GBP3: variants seen among roughly 807,000 people sequenced by gnomAD.
GBP3 encodes the protein guanylate binding protein 3.
In GBP3, 55 loss-of-function variants were observed where a neutral mutation model predicts 62.4. The observed-to-expected ratio is 0.88, with a 90% CI of 0.71 to 1.10. The LOEUF is 1.10. Ranked by LOEUF, GBP3 falls within the 50% of genes least tolerant of loss-of-function variation. The pLI, the probability that GBP3 is intolerant of heterozygous loss-of-function variation, is 0.00. For synonymous variants in GBP3, 208 were observed against 259.2 expected (o/e 0.80, Z 1.90); for missense variants, 605 against 690.6 (o/e 0.88, Z 1.39).
In GBP3 at chr1:89,015,342, T is replaced by C. The variant is rs1461158419; in HGVS notation, c.263A>G (p.Lys88Arg). ...AAGCAGGACTAAGGTGTGTTCTGGC[T>C]TTTTGGGGTGAGGCACACACCACAT... ...IWMWCVPHPK[K>R]PEHTLVLLDT... The change falls in exon 3 of 11, where the codon AAG (lysine) becomes AGG (arginine). Residue 88 changes from lysine to arginine, a missense_variant. Coordinates refer to ENST00000370481, the MANE Select transcript of GBP3 (RefSeq NM_018284.3). 1 of 1,613,206 alleles carries C rather than the reference T, an allele frequency of 6.2e-7. No individual in the cohort carries two copies. Among genetic ancestry groups the C allele is most frequent in the Admixed American group, 1.7e-5 (1 of 59,956 alleles).
At position 89,007,680 on chromosome 1, in the gene GBP3, T is replaced by G; in HGVS notation, c.*44A>C. On this transcript the variant is annotated 3_prime_UTR_variant, in exon 11 of 11. Coordinates refer to ENST00000370481, the MANE Select transcript of GBP3 (RefSeq NM_018284.3). ...ACACTTGTTCCAAATTCTAAAATTG[T>G]TTCAGTTATGCCTTGGGTTAGGATG... 1 of 1,555,882 alleles carries G rather than the reference T, an allele frequency of 6.4e-7. No homozygotes were observed. The highest frequency in any genetic ancestry group is 8.7e-7 in the Non-Finnish European group (1 of 1,150,510).
At chr1:89,019,597 T>C (rs546425045) in intron 2 of GBP3, among the ~76,000 whole-genome samples, 1 of 152,370 alleles carries the variant, frequency 6.6e-6, no homozygotes, top group African/African-American at 2.4e-5. Context: ...GGAAAAATTT[T>C]GACACATGCT....
At chr1:89,019,259 A>C (rs754290683) in intron 2 of GBP3, among the ~76,000 whole-genome samples, 1 of 152,206 alleles carries the variant, frequency 6.6e-6, no homozygotes, top group Non-Finnish European at 1.5e-5. Context: ...TACACATATA[A>C]TTACTTAGCC....
intron 6 of GBP3, 71 bp from the exon 7 acceptor site, chr1:89,012,098 A>ATG (rs1678605160): frequency 2.3e-6 from 3 of 1,315,410 alleles, no homozygotes; most frequent in Non-Finnish European, 3.2e-6. Context: ...AATTCTGAAC[A>ATG]TGTCAATTTC....
chr1:89,021,968 A>G (rs1299330505), intron 1 of GBP3, among the ~76,000 whole-genome samples: 1 of 151,588 alleles, frequency 6.6e-6, no homozygotes. Context: ...AAGCAAAGAT[A>G]CCGGCTTTAG....
intron 1 of GBP3, among the ~76,000 whole-genome samples, chr1:89,022,115 A>G (rs1451526041): frequency 6.6e-6 from 1 of 152,142 alleles, no homozygotes; most frequent in Non-Finnish European, 1.5e-5. Context: ...TTCTAGAGAA[A>G]CAATCTGAAA....
At chr1:89,020,845 A>G (rs1324110052) in intron 1 of GBP3, 102 bp from the exon 2 acceptor site, 5 of 904,898 alleles carry the variant, frequency 5.5e-6, no homozygotes, top group South Asian at 5.0e-5. Flanking sequence ...TGTGTGTGTC[A>G]GTGAGAGAGA....
In GBP3 at chr1:89,011,113, G is replaced by A. The variant is rs368397385; in HGVS notation, c.1153C>T (p.Gln385Ter). 1.0e-5 allele frequency: 15 copies of A among 1,461,518 alleles called. 4 individuals are homozygous for A. The highest frequency in any genetic ancestry group is 1.4e-5 in the Non-Finnish European group (15 of 1,054,944). The allele number at this position is 1,461,518 out of a possible 1,614,324, so 90.5% of individuals were successfully genotyped here. The change falls in exon 8 of 11, where the codon CAG (glutamine) becomes TAG (stop). Residue 385 changes from glutamine (Q) to a stop codon, truncating the protein, a stop_gained. Coordinates refer to ENST00000370481, the MANE Select transcript of GBP3 (RefSeq NM_018284.3). LOFTEE classifies it high-confidence loss of function. ...AAGTCATCCCGCTTTTTGTCTAGCTGGGCCTTTAATGTAAAAATAGGAAGT... is the reference window on the plus strand; with the variant it reads ...AAGTCATCCCGCTTTTTGTCTAGCTAGGCCTTTAATGTAAAAATAGGAAGT... ...DHLFQKKLAA[Q>*]LDKKRDDFCK...
At chr1:89,013,823 GA>G (rs1678723616) in intron 5 of GBP3, 5 of 452,276 alleles carry the variant, frequency 1.1e-5, no homozygotes, top group African/African-American at 2.0e-5. Context: ...AAAAATGAAA[GA>G]AAAAGAAACT....
chr1:89,009,344 A>G, intron 9 of GBP3, 48 bp downstream of exon 9: 1 of 1,573,032 alleles, frequency 6.4e-7, no homozygotes, highest in South Asian at 1.2e-5. Context: ...AAATTATTTA[A>G]AATTTGAAAA....
intron 8 of GBP3, among the ~76,000 whole-genome samples, chr1:89,010,096 T>C (rs1341665325): frequency 6.6e-6 from 1 of 151,762 alleles, no homozygotes; most frequent in Admixed American, 6.6e-5. Flanking sequence ...CAATAGTTAA[T>C]TGACTGCACT....
chr1:89,013,494 T>C, intron 5 of GBP3, 67 bp from the exon 6 acceptor site: 2 of 1,493,630 alleles, frequency 1.3e-6, no homozygotes, highest in Non-Finnish European at 1.8e-6. Flanking sequence ...ATAGTAAATA[T>C]TTTAGGCTCT....
chr1:89,012,450 G>A (rs758010880), intron 6 of GBP3, among the ~76,000 whole-genome samples: 3 of 138,958 alleles, frequency 2.2e-5, no homozygotes, highest in Non-Finnish European at 5.0e-5. Flanking sequence ...CCTCCGTTTG[G>A]TTTATTTTAG....
Position 89,011,252 on chromosome 1 carries a change from G to A in GBP3, c.1150-136C>T, listed in dbSNP as rs185593091. ...CTGACAGACTCCTCAGCAGGACCAC[G>A]CTCTTACTCCTGACCCCACTTTCTA... On this transcript the variant is annotated intron_variant, in intron 7 of 10. Coordinates refer to ENST00000370481, the MANE Select transcript of GBP3 (RefSeq NM_018284.3). 3.0e-5 allele frequency: 34 copies of A among 1,146,842 alleles called. 4 individuals are homozygous for A. The African/African-American group carries it at 3.0e-4, about 10-fold the overall frequency. 71.0% of individuals were successfully genotyped at this position (1,146,842 alleles called of 1,614,324 possible).
intron 1 of GBP3, among the ~76,000 whole-genome samples, chr1:89,021,544 A>ACACACACACACACACACACACCCC (rs761151308): frequency 7.1e-6 from 1 of 140,948 alleles, no homozygotes; most frequent in Admixed American, 7.1e-5. Context: ...ACACACACAC[A>ACACACACACACACACACACACCCC]CCCCAAAAAA....
rs370799976 is a variant in GBP3, at chr1:89,020,562, G to C, written c.160C>G (p.Leu54Val). 1.9e-6 allele frequency: 3 copies of C among 1,614,142 alleles called. No homozygotes were observed. The East Asian group carries it at 6.7e-5, about 36-fold the overall frequency. ...VGLYRTGKSYLMNKLAGKNKG... is the reference protein window; with the variant it reads ...VGLYRTGKSYVMNKLAGKNKG... ...TTCTTCCCAGCTAGCTTGTTCATCA[G>C]GTAGGATTTTCCTGTGCGGTAGAGG... The change falls in exon 2 of 11, where the codon CTG becomes GTG. Residue 54 changes from leucine to valine, a missense_variant. Transcript: ENST00000370481.
chr1:89,014,011 C>A, intron 5 of GBP3, 72 bp downstream of exon 5: 1 of 1,473,320 alleles, frequency 6.8e-7, no homozygotes, highest in Non-Finnish European at 9.5e-7. Context: ...AGAAAACTAT[C>A]AATAGTAAAC....
At chr1:89,020,351 A>G in intron 2 of GBP3, 181 bp downstream of exon 2, 1 of 681,174 alleles carries the variant, frequency 1.5e-6, no homozygotes, top group Admixed American at 2.4e-5. Flanking sequence ...ATAACTCACT[A>G]CCCTCAGAAC....
intron 2 of GBP3, 33 bp downstream of exon 2, chr1:89,020,499 G>A: frequency 1.2e-6 from 2 of 1,612,512 alleles, no homozygotes; most frequent in East Asian, 2.2e-5. Flanking sequence ...GGGGACAGAA[G>A]GGACTTGGCA....
Sources: gnomAD v4.1 joint callset for allele counts (sites outside exome capture counted in the v4.1 genomes callset) on GRCh38, gnomAD v4.1.1 for gene constraint, MANE v1.5 for transcripts, NCBI Gene and HGNC (gene_info 2026-07-23, HGNC 2026-07-21) for gene names.